The following METTL15 variants were observed in gnomAD, a reference collection of about 807,000 sequenced individuals.
METTL15 encodes 12S rRNA N(4)-cytidine methyltransferase METTL15.
METTL15 carries 34 observed loss-of-function variants against 38.3 expected under a neutral mutation model. That is an observed-to-expected ratio of 0.89 (90% CI 0.68 to 1.18). METTL15 has a LOEUF of 1.18. Ranked by LOEUF, METTL15 falls within the 50% of genes most tolerant of loss-of-function variation. The probability of loss-of-function intolerance (pLI) is 0.00; values close to 1 mark genes in which losing one functional copy is unlikely to be tolerated. For synonymous variants in METTL15, 162 were observed against 170.9 expected, an observed-to-expected ratio of 0.95 and a Z score of 0.41; for missense variants, 438 against 498.4, an observed-to-expected ratio of 0.88 and a Z score of 1.15.
rs1055331813 is a variant in METTL15 at position 28,389,638 on chromosome 11, G to A, written c.*358+27602G>A. The stretch of plus-strand genomic sequence containing the variant: ...TCTTAATCCAGTCTATCATTGTTGG[G>A]CATTTGGGTTGGTTCCAGGTCTTTG... On this transcript the variant is annotated intron_variant and NMD_transcript_variant, in intron 5 of 7. Transcript: ENST00000532947. 4.9e-4 allele frequency among the ~76,000 whole-genome samples: 75 copies of A among 151,690 alleles called. No homozygotes were observed. The South Asian group carries it at 5.9e-3, about 12-fold the overall frequency.
chr11:28,283,089 C>T (rs1056944287), intron 4 of METTL15, among the ~76,000 whole-genome samples: 1 of 152,044 alleles, frequency 6.6e-6, no homozygotes, highest in Admixed American at 6.6e-5. Flanking sequence ...TTACTTAAAG[C>T]CTTTATTTAA....
chr11:28,135,044 C>T (rs940890577), intron 3 of METTL15, among the ~76,000 whole-genome samples: 1 of 152,120 alleles, frequency 6.6e-6, no homozygotes, highest in Admixed American at 6.6e-5. Context: ...GAGCTACAGC[C>T]AGTTATTGCT....
intron 4 of METTL15, among the ~76,000 whole-genome samples, chr11:28,257,183 C>T (rs558606304): frequency 1.0e-3 from 154 of 152,112 alleles, no homozygotes; most frequent in African/African-American, 3.6e-3. Flanking sequence ...ATATTTTTTT[C>T]TTTCAGCACT....
chr11:28,365,702 A>T (rs1283936427), intron 5 of METTL15, among the ~76,000 whole-genome samples: 1 of 152,148 alleles, frequency 6.6e-6, no homozygotes, highest in African/African-American at 2.4e-5. Flanking sequence ...GAAAAAATGT[A>T]TGAGGGATTT....
rs144929692 is a variant in METTL15 at position 28,116,115 on chromosome 11, G to A, written c.270+2511G>A. On this transcript the variant is annotated intron_variant, in intron 3 of 6. Coordinates refer to ENST00000407364, the MANE Select transcript of METTL15 (RefSeq NM_001113528.2). ...TATCATAATCTAGATATTTAATTTA[G>A]ATTAAATTAAATAAGGTCTTAGATT... is the stretch of plus-strand genomic sequence containing the variant. Among the ~76,000 whole-genome samples, 289 of 151,794 alleles carry A rather than the reference G, an allele frequency of 1.9e-3. 1 individual carries two copies. Among genetic ancestry groups the A allele is most frequent in the African/African-American group, 6.6e-3 (274 of 41,364 alleles).
chr11:28,391,551 C>T (rs565710476), intron 5 of METTL15, among the ~76,000 whole-genome samples: 66 of 152,248 alleles, frequency 4.3e-4, no homozygotes, highest in African/African-American at 1.5e-3. Flanking sequence ...ATCACGCTAC[C>T]TGACTTCAAA....
At chr11:28,199,932 C>T (rs553750099) in intron 3 of METTL15, among the ~76,000 whole-genome samples, 8 of 151,896 alleles carry the variant, frequency 5.3e-5, no homozygotes, top group East Asian at 3.9e-4. Flanking sequence ...TTAGTAGAGA[C>T]GGGGTTTCAC....
chr11:28,215,526 T>C (rs1292039476), intron 4 of METTL15, among the ~76,000 whole-genome samples: 1 of 152,070 alleles, frequency 6.6e-6, no homozygotes, highest in Admixed American at 6.6e-5. Flanking sequence ...CACTTGGGGC[T>C]ATTGTTTTCT....
chr11:28,319,720 G>A (rs1244755792), intron 6 of METTL15, among the ~76,000 whole-genome samples: 1 of 152,086 alleles, frequency 6.6e-6, no homozygotes, highest in Non-Finnish European at 1.5e-5. Flanking sequence ...AAATACTGTG[G>A]AATGGTTATT....
chr11:28,242,444 A>G (rs1205694999), intron 4 of METTL15, among the ~76,000 whole-genome samples: 1 of 152,214 alleles, frequency 6.6e-6, no homozygotes, highest in Non-Finnish European at 1.5e-5. Context: ...CAAATTCTAA[A>G]TAGTAAAATT....
At chr11:28,318,610 A>G (rs1849352356) in intron 6 of METTL15, among the ~76,000 whole-genome samples, 1 of 152,188 alleles carries the variant, frequency 6.6e-6, no homozygotes, top group African/African-American at 2.4e-5. Flanking sequence ...CTTTAAATAA[A>G]ACAAAAATTA....
chr11:28,313,962 C>T (rs144240281), intron 6 of METTL15, among the ~76,000 whole-genome samples: 61 of 152,124 alleles, frequency 4.0e-4, no homozygotes, highest in African/African-American at 1.2e-3. Context: ...TTCTAGAAAC[C>T]AAAAGCCTTT....
intron 3 of METTL15, among the ~76,000 whole-genome samples, chr11:28,193,175 A>G (rs1192268580): frequency 1.3e-5 from 2 of 152,116 alleles, no homozygotes; most frequent in Non-Finnish European, 2.9e-5. Context: ...CAAATTCTTT[A>G]AAGGATATAT....
intron 4 of METTL15, among the ~76,000 whole-genome samples, chr11:28,213,790 G>A (rs1852745440): frequency 6.6e-6 from 1 of 151,594 alleles, no homozygotes; most frequent in South Asian, 2.1e-4. Flanking sequence ...CGAGTAGCTG[G>A]GACTATAGGC....
chr11:28,116,871 G>T (rs900080139), intron 3 of METTL15, among the ~76,000 whole-genome samples: 2 of 152,068 alleles, frequency 1.3e-5, no homozygotes, highest in East Asian at 3.9e-4. Flanking sequence ...CTGGGCTCAG[G>T]TGATCCTTCC....
At chr11:28,441,766 G>A (rs1055862730) in intron 6 of METTL15, among the ~76,000 whole-genome samples, 11 of 152,044 alleles carry the variant, frequency 7.2e-5, no homozygotes, top group Non-Finnish European at 1.5e-4. Context: ...ACCTTCAATG[G>A]CATTCATTTT....
At chr11:28,322,664 A>G (rs1053470588) in intron 6 of METTL15, among the ~76,000 whole-genome samples, 12 of 152,158 alleles carry the variant, frequency 7.9e-5, no homozygotes, top group Non-Finnish European at 1.3e-4. Flanking sequence ...AGTGACATAC[A>G]AGATTCACAT....
At position 28,401,335 on chromosome 11, in the gene METTL15, TAAG is replaced by T. The variant is rs1850628786; in HGVS notation, c.*359-22960_*359-22958del. On this transcript the variant is annotated intron_variant and NMD_transcript_variant, in intron 5 of 7. Coordinates refer to the METTL15 transcript ENST00000532947. Reference sequence around the variant, plus strand: ...GGGGACTTTACCCATAGACTTCCATTAAGAAGTAATCTCTTAATCTGTTTTTTA... The same window carrying T: ...GGGGACTTTACCCATAGACTTCCATTAAGTAATCTCTTAATCTGTTTTTTA... Among the ~76,000 whole-genome samples the T allele has an allele frequency of 2.0e-5, 3 of 152,082 alleles. No homozygotes were observed. The South Asian group carries it at 6.2e-4, about 32-fold the overall frequency.
At chr11:28,463,581 A>G (rs1251903721) in intron 6 of METTL15, among the ~76,000 whole-genome samples, 2 of 152,154 alleles carry the variant, frequency 1.3e-5, no homozygotes, top group Non-Finnish European at 2.9e-5. Context: ...TCTAAGTCAT[A>G]TGATTCTGAA....
Sources: allele counts gnomAD v4.1 joint callset (sites outside exome capture counted in the v4.1 genomes callset), GRCh38; gene constraint gnomAD v4.1.1; transcripts MANE v1.5; gene names NCBI Gene and HGNC (gene_info 2026-07-23, HGNC 2026-07-21).